DNA2: variants seen among roughly 807,000 people sequenced by gnomAD.
DNA2 encodes DNA replication ATP-dependent helicase/nuclease DNA2.
In DNA2, 101 loss-of-function variants were observed where a neutral mutation model predicts 119.1. The ratio of observed to expected loss-of-function variants is 0.85; its 90% CI spans 0.72 to 1.00. DNA2 has a LOEUF of 1.00. Ranked by LOEUF, DNA2 falls within the 50% of genes least tolerant of loss-of-function variation. DNA2 has a pLI of 0.00. For synonymous variants in DNA2, 366 were observed against 424.4 expected (o/e 0.86, Z 1.69); for missense variants, 1,121 against 1,255.5 (o/e 0.89, Z 1.62).
intron 7 of DNA2, among the ~76,000 whole-genome samples, chr10:68,445,829 A>T (rs1027916390): frequency 1.1e-4 from 16 of 152,026 alleles, no homozygotes; most frequent in Admixed American, 2.6e-4. Flanking sequence ...AAATTCTTTT[A>T]AAAAAAACCA....
rs1006046059 is a variant in DNA2 at position 68,470,843 on chromosome 10, G to A, written c.75-680C>T. 5.9e-5 allele frequency among the ~76,000 whole-genome samples: 9 copies of A among 152,272 alleles called. No homozygotes were observed. In the East Asian group the frequency reaches 1.5e-3, roughly 26 times the overall value. The stretch of plus-strand genomic sequence containing the variant: ...AAATAATTTAGTCCAACCTGCTAAA[G>A]TAATGCCGGAAATCTTTCGATAAAA... On this transcript the variant is annotated intron_variant, in intron 1 of 20. Coordinates refer to ENST00000358410, the MANE Select transcript of DNA2 (RefSeq NM_001080449.3).
intron 5 of DNA2, among the ~76,000 whole-genome samples, chr10:68,457,893 C>T (rs896088663): frequency 6.6e-6 from 1 of 152,032 alleles, no homozygotes; most frequent in East Asian, 1.9e-4. Flanking sequence ...TCAAATGAGG[C>T]CAGGTACAGT....
rs895352281 is a variant in DNA2, at chr10:68,419,184, A to G, written c.2817T>C (p.Ile939=). ...TTAATTGCTGCCTGTACGGTGCAAT[A>G]ATACCAATATCAGAGGGACTGCATC... The part of the protein sequence containing the change: ...KAGCSPSDIG[I]IAPYRQQLKI... Residue 939 remains isoleucine, a synonymous_variant, in exon 19 of 21, where the codon ATT becomes ATC. Transcript: ENST00000358410. 6.2e-7 allele frequency: 1 copy of G among 1,605,968 alleles called. No individual in the cohort carries two copies. Among genetic ancestry groups the G allele is most frequent in the Non-Finnish European group, 8.5e-7 (1 of 1,177,316 alleles).
intron 3 of DNA2, among the ~76,000 whole-genome samples, chr10:68,467,313 G>A (rs2052338674): frequency 6.6e-6 from 1 of 151,970 alleles, no homozygotes; most frequent in African/African-American, 2.4e-5. Context: ...TTTTCATCAT[G>A]TTGGTCAGGC....
chr10:68,471,883 A>C lies in DNA2; in HGVS notation c.-19T>G, dbSNP rs1324877422. 4 of 1,613,966 alleles carry C rather than the reference A, an allele frequency of 2.5e-6. No homozygotes were observed. Among genetic ancestry groups the C allele is most frequent in the Non-Finnish European group, 3.4e-6 (4 of 1,179,828 alleles). ...GCTCCATCCTGGACGCGGGGATCGC[A>C]AACTGTAGACAGAAAAGACAGCGGA... On this transcript the variant is annotated 5_prime_UTR_variant, in exon 1 of 21. Transcript: ENST00000358410.
chr10:68,467,340 AC>A (rs1168489050), intron 3 of DNA2, among the ~76,000 whole-genome samples: 1 of 151,918 alleles, frequency 6.6e-6, no homozygotes, highest in African/African-American at 2.4e-5. Flanking sequence ...TGAACTCCTG[AC>A]TTCATGAACT....
At chr10:68,419,236 TA>T in intron 18 of DNA2, 23 bp from the exon 19 acceptor site, 1 of 1,485,846 alleles carries the variant, frequency 6.7e-7, no homozygotes, top group Admixed American at 2.8e-5. Context: ...AGACACAATT[TA>T]AAAGAAAGAA....
chr10:68,448,658 CAAT>C (rs2052073421), intron 6 of DNA2, among the ~76,000 whole-genome samples: 1 of 152,048 alleles, frequency 6.6e-6, no homozygotes, highest in African/African-American at 2.4e-5. Context: ...ATAAAATCTC[CAAT>C]TGAACAAAAT....
upstream of DNA2, chr10:68,472,018 C>T (rs769477783): frequency 1.2e-6 from 2 of 1,608,914 alleles, no homozygotes; most frequent in East Asian, 2.2e-5. Context: ...CAGGCCGCCC[C>T]TCCCGCGCCG....
In DNA2 at chr10:68,422,436, G is replaced by A. The variant is rs1420836477; in HGVS notation, c.2493-7C>T. Reference sequence around the variant, plus strand: ...ACTTAAGGACATAATTTTACTAAGGGAATTACAAAAGATAACTTTAGTTTT... The same window carrying A: ...ACTTAAGGACATAATTTTACTAAGGAAATTACAAAAGATAACTTTAGTTTT... On this transcript the variant is annotated splice_polypyrimidine_tract_variant and splice_region_variant and intron_variant, in intron 16 of 20. Coordinates refer to ENST00000358410, the MANE Select transcript of DNA2 (RefSeq NM_001080449.3). 1.2e-6 allele frequency: 2 copies of A among 1,612,720 alleles called. No homozygotes were observed. Among genetic ancestry groups the A allele is most frequent in the Non-Finnish European group, 8.5e-7 (1 of 1,179,288 alleles).
intron 17 of DNA2, among the ~76,000 whole-genome samples, chr10:68,420,612 T>A (rs1258149638): frequency 6.6e-6 from 1 of 152,010 alleles, no homozygotes; most frequent in Non-Finnish European, 1.5e-5. Flanking sequence ...TTTATACAAA[T>A]AATGGAGCAG....
Position 68,422,779 on chromosome 10 carries a change from C to G in DNA2, c.2320G>C (p.Gly774Arg), listed in dbSNP as rs2051683316. 6.2e-7 allele frequency: 1 copy of G among 1,610,372 alleles called. No homozygotes were observed. Among genetic ancestry groups the G allele is most frequent in the Admixed American group, 1.7e-5 (1 of 59,128 alleles). Residue 774 changes from glycine to arginine, a missense_variant, in exon 15 of 21, where the codon GGC becomes CGC. By Grantham distance (125) the Gly-to-Arg change is moderately radical. Coordinates refer to ENST00000358410, the MANE Select transcript of DNA2 (RefSeq NM_001080449.3). ...AATCTCCGTGAAAAAAAAAGGGGGC[C>G]CAGACAAATTGGTTGGCTAATTTGA... ...ASQISQPICL[G>R]PLFFSRRFVL... is the part of the protein sequence containing the mutation.
chr10:68,435,083 T>G (rs2051870416), intron 10 of DNA2, among the ~76,000 whole-genome samples: 2 of 152,100 alleles, frequency 1.3e-5, no homozygotes. Context: ...AGGGTCTCAC[T>G]CTGTCACTCA....
At chr10:68,429,239 G>T (rs182260197) in intron 14 of DNA2, among the ~76,000 whole-genome samples, 1 of 145,400 alleles carries the variant, frequency 6.9e-6, no homozygotes, top group African/African-American at 2.6e-5. Context: ...TTGGTGGAAG[G>T]TTCAATTAAA....
At chr10:68,436,861 T>A in intron 10 of DNA2, 150 bp downstream of exon 10, 1 of 618,434 alleles carries the variant, frequency 1.6e-6, no homozygotes, top group Admixed American at 3.4e-5. Context: ...TTTGGGGTGA[T>A]GAAAATACTC....
intron 5 of DNA2, among the ~76,000 whole-genome samples, chr10:68,450,956 C>T (rs963049798): frequency 2.6e-5 from 4 of 152,020 alleles, no homozygotes; most frequent in Non-Finnish European, 5.9e-5. Context: ...CAAGAATTAG[C>T]CGGGAAGGGT....
Position 68,444,638 on chromosome 10 carries a change from C to T in DNA2, c.1220+283G>A, listed in dbSNP as rs1384403961. Reference sequence around the variant, plus strand: ...ACTTGGGAGGCTGAGGCAGGAGAATCGCTTGAACCCAAGAGGCAGAGGTTG... The same window carrying T: ...ACTTGGGAGGCTGAGGCAGGAGAATTGCTTGAACCCAAGAGGCAGAGGTTG... On this transcript the variant is annotated intron_variant, in intron 8 of 20. Transcript: ENST00000358410. 2.0e-5 allele frequency among the ~76,000 whole-genome samples: 3 copies of T among 149,862 alleles called. No homozygotes were observed. The South Asian group carries it at 6.3e-4, about 31-fold the overall frequency.
At chr10:68,454,586 A>G (rs57523641) in intron 5 of DNA2, among the ~76,000 whole-genome samples, 20,774 of 151,908 alleles carry the variant, frequency 0.14, 2,001 homozygotes, top group African/African-American at 0.27. Context: ...TGGGTGGATC[A>G]CCTAAGGTCA....
chr10:68,432,141 C>T (rs2051830706), intron 12 of DNA2, 65 bp downstream of exon 12: 1 of 1,227,782 alleles, frequency 8.1e-7, no homozygotes, highest in African/African-American at 1.5e-5. Context: ...AGATATTAGA[C>T]TACAGTATAA....
Sources: allele counts gnomAD v4.1 joint callset (sites outside exome capture counted in the v4.1 genomes callset), GRCh38; gene constraint gnomAD v4.1.1; transcripts MANE v1.5; gene names NCBI Gene and HGNC (gene_info 2026-07-23, HGNC 2026-07-21).